CKS2: variants seen among roughly 807,000 people sequenced by gnomAD.
CKS2 encodes cyclin-dependent kinases regulatory subunit 2.
A neutral mutation model predicts 14.3 loss-of-function variants in CKS2; 4 were observed. The observed-to-expected ratio is 0.28, with a 90% CI of 0.14 to 0.64. The LOEUF (loss-of-function observed/expected upper bound fraction) is 0.64, where lower values mean the gene tolerates loss of function less well. CKS2 is among the 30% of genes least tolerant of loss of function. The pLI is 0.83. For synonymous variants in CKS2, 33 were observed against 28.7 expected (o/e 1.15, Z -0.48); for missense variants, 71 against 94.3 (o/e 0.75, Z 1.02).
In CKS2 at chr9:89,311,303, A is replaced by G. The variant is rs761873716; in HGVS notation, c.11A>G (p.Lys4Arg). 2.5e-6 allele frequency: 4 copies of G among 1,611,478 alleles called. No homozygotes were observed. The highest frequency in any genetic ancestry group is 4.5e-5 in the East Asian group (2 of 44,320). The change falls in exon 1 of 3, where the codon AAG becomes AGG. Residue 4 changes from lysine (K) to arginine (R), a missense_variant. Physicochemically the swap from Lys to Arg is conservative, Grantham distance 26. Transcript: ENST00000314355. MAH[K>R]QIYYSDKYFD... is the part of the protein sequence containing the mutation. Reference sequence around the variant, plus strand: ...CAGCGCGCCAGCAGGATGGCCCACAAGCAGATCTACTACTCGGACAAGTAC... The same window carrying G: ...CAGCGCGCCAGCAGGATGGCCCACAGGCAGATCTACTACTCGGACAAGTAC...
chr9:89,315,087 C>A, intron 1 of CKS2, 83 bp from the exon 2 acceptor site: 1 of 1,209,628 alleles, frequency 8.3e-7, no homozygotes, highest in Non-Finnish European at 1.1e-6. Context: ...AATATTAAAG[C>A]AACAGAGTTC....
chr9:89,314,693 T>C (rs1319956514), intron 1 of CKS2, among the ~76,000 whole-genome samples: 3 of 152,196 alleles, frequency 2.0e-5, no homozygotes, highest in African/African-American at 7.2e-5. Context: ...CCTTACCTCT[T>C]GTTGCTTTAC....
intron 1 of CKS2, among the ~76,000 whole-genome samples, chr9:89,313,015 T>C (rs2131462744): frequency 6.6e-6 from 1 of 152,354 alleles, no homozygotes. Context: ...TGTGGTAATG[T>C]ATAGAAGAAA....
intron 2 of CKS2, 116 bp downstream of exon 2, chr9:89,315,413 TAA>T (rs1824690219): frequency 5.3e-6 from 5 of 947,732 alleles, no homozygotes; most frequent in African/African-American, 1.7e-5. Context: ...ACTGTTCTGA[TAA>T]GTTTTTTTTT....
In CKS2 at chr9:89,315,196, C is replaced by A; in HGVS notation, c.86C>A (p.Ser29Tyr). Residue 29 changes from serine (S) to tyrosine (Y), a missense_variant, in exon 2 of 3, where the codon TCC becomes TAC. Ser to Tyr is a moderately radical substitution (Grantham distance 144). Transcript: ENST00000314355. ...YRHVMLPREL[S>Y]KQVPKTHLMS... is the part of the protein sequence containing the mutation. ...CATGTTATGTTACCCAGAGAACTTT[C>A]CAAACAAGTACCTAAAACTCATCTG... 1.2e-6 allele frequency: 2 copies of A among 1,609,916 alleles called. No individual in the cohort carries two copies. Among genetic ancestry groups the A allele is most frequent in the Admixed American group, 1.7e-5 (1 of 59,806 alleles).
rs3211689 is a variant in CKS2, at chr9:89,315,814, TTG to T, written c.187+520_187+521del. Among the ~76,000 whole-genome samples, 1,349 of 152,284 alleles carry T rather than the reference TTG, an allele frequency of 8.9e-3. 17 individuals carry two copies. Among genetic ancestry groups the T allele is most frequent in the African/African-American group, 0.03 (1,246 of 41,576 alleles). ...TTAAATAGTAAACTCTACTAAAACTTTGTGGGTTTTCTAGACTAAAACAGTGT... is the reference window on the plus strand; with the variant it reads ...TTAAATAGTAAACTCTACTAAAACTTTGGGTTTTCTAGACTAAAACAGTGT... On this transcript the variant is annotated intron_variant, in intron 2 of 2. Coordinates refer to ENST00000314355, the MANE Select transcript of CKS2 (RefSeq NM_001827.3).
chr9:89,311,444 C>T (rs1352826357), intron 1 of CKS2, 93 bp downstream of exon 1: 3 of 561,370 alleles, frequency 5.3e-6, no homozygotes, highest in Non-Finnish European at 2.8e-6. Flanking sequence ...GGGTGGGGGC[C>T]GGGGCCTGGG....
At chr9:89,315,768 T>G (rs1480954644) in intron 2 of CKS2, among the ~76,000 whole-genome samples, 4 of 152,196 alleles carry the variant, frequency 2.6e-5, no homozygotes, top group African/African-American at 7.2e-5. Context: ...TATGTGGTAT[T>G]AACCAAAAGT....
Position 89,311,256 on chromosome 9 carries a change from C to G in CKS2, c.-37C>G, listed in dbSNP as rs775754220. 1 of 1,591,876 alleles carries G rather than the reference C, an allele frequency of 6.3e-7. No homozygotes were observed. Among genetic ancestry groups the G allele is most frequent in the East Asian group, 2.3e-5 (1 of 43,838 alleles). On this transcript the variant is annotated 5_prime_UTR_variant, in exon 1 of 3. Coordinates refer to ENST00000314355, the MANE Select transcript of CKS2 (RefSeq NM_001827.3). ...GGTTTTGTCTGCTGCGCCCGCTCTT[C>G]GCGCTCTCGTTTCATTTTCTGCAGC...
intron 1 of CKS2, among the ~76,000 whole-genome samples, chr9:89,314,211 A>C (rs1824668640): frequency 6.6e-6 from 1 of 152,192 alleles, no homozygotes; most frequent in African/African-American, 2.4e-5. Context: ...GACTTTCATA[A>C]AGTCCTTTTT....
In CKS2 at chr9:89,311,232, G is replaced by T. The variant is rs1422794619; in HGVS notation, c.-61G>T. 1 of 1,458,470 alleles carries T rather than the reference G, an allele frequency of 6.9e-7. No individual in the cohort carries two copies. Among genetic ancestry groups the T allele is most frequent in the Non-Finnish European group, 9.6e-7 (1 of 1,046,588 alleles). The allele number at this position is 1,458,470 out of a possible 1,614,324, so 90.3% of individuals were successfully genotyped here. ...CGAGTTGTTGCCTGGGCTGGACGTG[G>T]TTTTGTCTGCTGCGCCCGCTCTTCG... On this transcript the variant is annotated 5_prime_UTR_variant, in exon 1 of 3. Coordinates refer to ENST00000314355, the MANE Select transcript of CKS2 (RefSeq NM_001827.3).
intron 2 of CKS2, 45 bp downstream of exon 2, chr9:89,315,342 T>C: frequency 7.0e-7 from 1 of 1,437,930 alleles, no homozygotes; most frequent in Non-Finnish European, 9.2e-7. Flanking sequence ...GTTGAAATAT[T>C]GGTGGTTATG....
intron 1 of CKS2, chr9:89,312,182 C>G (rs1031958312): frequency 3.9e-5 from 6 of 154,622 alleles, no homozygotes; most frequent in African/African-American, 1.4e-4. Flanking sequence ...AGTCCTGAAG[C>G]ACCGTACTAG....
At chr9:89,315,533 TA>T (rs3080706) in intron 2 of CKS2, among the ~76,000 whole-genome samples, 65,265 of 131,896 alleles carry the variant, frequency 0.49, 16,111 homozygotes, top group Middle Eastern at 0.63. Flanking sequence ...ATGTAAGAAG[TA>T]AAAAAAAAAA....
intron 1 of CKS2, chr9:89,312,161 T>C (rs1425529830): frequency 1.3e-5 from 2 of 154,524 alleles, no homozygotes; most frequent in East Asian, 1.9e-4. Flanking sequence ...TTTGAGAAAC[T>C]TTTGCGTTTG....
rs138496821 is a variant in CKS2 at position 89,315,170 on chromosome 9, G to C, written c.60G>C (p.Arg20=). The part of the protein sequence containing the change: ...DKYFDEHYEY[R]HVMLPRELSK... The stretch of plus-strand genomic sequence containing the variant: ...AACACTTGGCTGTATCTTGTAACAG[G>C]CATGTTATGTTACCCAGAGAACTTT... The change falls in exon 2 of 3, where the codon CGG becomes CGC. Residue 20 remains arginine (R), a splice_region_variant and synonymous_variant. Coordinates refer to ENST00000314355, the MANE Select transcript of CKS2 (RefSeq NM_001827.3). 435 of 1,606,482 alleles carry C rather than the reference G, an allele frequency of 2.7e-4. No individual in the cohort carries two copies. Among genetic ancestry groups the C allele is most frequent in the Middle Eastern group, 4.4e-4 (2 of 4,582 alleles).
chr9:89,311,708 C>A (rs189584247), intron 1 of CKS2, among the ~76,000 whole-genome samples: 89 of 152,336 alleles, frequency 5.8e-4, no homozygotes, highest in Non-Finnish European at 1.2e-3. Context: ...TCGGCCGTGG[C>A]CGAAGTAATT....
At position 89,311,249 on chromosome 9, in the gene CKS2, C is replaced by T. The variant is rs771571195; in HGVS notation, c.-44C>T. 4.5e-6 allele frequency: 7 copies of T among 1,570,348 alleles called. No homozygotes were observed. The highest frequency in any genetic ancestry group is 4.1e-5 in the African/African-American group (3 of 73,686). ...TGGACGTGGTTTTGTCTGCTGCGCCCGCTCTTCGCGCTCTCGTTTCATTTT... is the reference window on the plus strand; with the variant it reads ...TGGACGTGGTTTTGTCTGCTGCGCCTGCTCTTCGCGCTCTCGTTTCATTTT... On this transcript the variant is annotated 5_prime_UTR_variant, in exon 1 of 3. Coordinates refer to ENST00000314355, the MANE Select transcript of CKS2 (RefSeq NM_001827.3).
chr9:89,315,801 C>A (rs1013569895), intron 2 of CKS2, among the ~76,000 whole-genome samples: 4 of 152,088 alleles, frequency 2.6e-5, no homozygotes, highest in African/African-American at 9.7e-5. Context: ...AAATAGTAAA[C>A]TCTACTAAAA....
Sources: gnomAD v4.1 joint callset for allele counts (sites outside exome capture counted in the v4.1 genomes callset) on GRCh38, gnomAD v4.1.1 for gene constraint, MANE v1.5 for transcripts, NCBI Gene and HGNC (gene_info 2026-07-23, HGNC 2026-07-21) for gene names.